The following SI variants were observed in gnomAD, a reference collection of about 807,000 sequenced individuals.
SI encodes sucrase-isomaltase.
A neutral mutation model predicts 253.3 loss-of-function variants in SI; 235 were observed. The ratio of observed to expected loss-of-function variants is 0.93; its 90% CI spans 0.83 to 1.03. The LOEUF is 1.03. Among genes scored for constraint, SI ranks in the 50% least tolerant of loss-of-function variants. The pLI is 0.00. For synonymous variants in SI, 819 were observed against 712.0 expected (o/e 1.15, Z -2.39); for missense variants, 2,442 against 2,211.1 (o/e 1.10, Z -2.09).
At chr3:164,987,030 A>G in intron 45 of SI, 108 bp downstream of exon 45, 1 of 878,082 alleles carries the variant, frequency 1.1e-6, no homozygotes, top group Non-Finnish European at 1.9e-6. Context: ...GCCTTGAATA[A>G]TATTAATAGC....
chr3:165,017,078 A>G (rs972599353), intron 31 of SI, among the ~76,000 whole-genome samples: 9 of 152,058 alleles, frequency 5.9e-5, no homozygotes, highest in Admixed American at 2.0e-4. Context: ...ATACTTTGGA[A>G]TACTTAGCTT....
the SI span, among the ~76,000 whole-genome samples, chr3:165,083,552 TAATC>T: frequency 1.3e-5 from 2 of 151,972 alleles, no homozygotes; most frequent in African/African-American, 2.4e-5. Flanking sequence ...GAAAAAGAAA[TAATC>T]TATCTTCCTT....
chr3:165,033,195 CTT>C (rs1712338680), intron 23 of SI, among the ~76,000 whole-genome samples, 198 bp downstream of exon 23: 1 of 151,374 alleles, frequency 6.6e-6, no homozygotes, highest in African/African-American at 2.4e-5. Context: ...TGGTCACAAA[CTT>C]TATAAAATTT....
intron 41 of SI, 57 bp from the exon 42 acceptor site, chr3:164,992,454 C>A (rs1337652672): frequency 9.0e-7 from 1 of 1,117,308 alleles, no homozygotes; most frequent in East Asian, 2.5e-5. Context: ...TTCTGAATAC[C>A]ATAAAATCAT....
chr3:165,004,106 ACTT>A (rs1718388015), intron 37 of SI, among the ~76,000 whole-genome samples: 1 of 152,130 alleles, frequency 6.6e-6, no homozygotes, highest in Non-Finnish European at 1.5e-5. Flanking sequence ...TATAGGAAAA[ACTT>A]CTAATAATCT....
intron 31 of SI, 45 bp from the exon 32 acceptor site, chr3:165,016,125 T>C (rs1034008295): frequency 2.6e-6 from 4 of 1,530,620 alleles, no homozygotes. Flanking sequence ...AAATACAAAA[T>C]AGTAAGTGTA....
chr3:165,032,066 T>C (rs1227984189), intron 24 of SI, among the ~76,000 whole-genome samples: 1 of 151,040 alleles, frequency 6.6e-6, no homozygotes, highest in African/African-American at 2.4e-5. Context: ...GTTAGAAAAG[T>C]ACAAGATATA....
intron 25 of SI, 101 bp from the exon 26 acceptor site, chr3:165,023,877 A>G (rs1456268718): frequency 4.9e-6 from 4 of 812,092 alleles, no homozygotes; most frequent in Non-Finnish European, 8.4e-6. Flanking sequence ...TATGATTTAC[A>G]AGTTTCATTA....
chr3:165,019,197 A>T (rs1719184966), intron 28 of SI, among the ~76,000 whole-genome samples: 2 of 151,912 alleles, frequency 1.3e-5, no homozygotes, highest in Non-Finnish European at 2.9e-5. Flanking sequence ...CTGCAACTGA[A>T]GGTTATAAAG....
At chr3:165,020,049 T>A (rs1431634302) in intron 27 of SI, among the ~76,000 whole-genome samples, 1 of 151,712 alleles carries the variant, frequency 6.6e-6, no homozygotes, top group Non-Finnish European at 1.5e-5. Context: ...GTATTCCTTT[T>A]AAAAATAAAA....
chr3:165,069,130 G>A lies in SI; in HGVS notation c.321C>T (p.Phe107=). 1 of 1,613,524 alleles carries A rather than the reference G, an allele frequency of 6.2e-7. No individual in the cohort carries two copies. Among genetic ancestry groups the A allele is most frequent in the Non-Finnish European group, 8.5e-7 (1 of 1,179,692 alleles). ...CGTTATAACCATGATTATCAACGAA[G>A]AAGCACCAAGGAATAAGAGAGTCAT... is the stretch of plus-strand genomic sequence containing the variant. The part of the protein sequence containing the change: ...PWNDSLIPWC[F]FVDNHGYNVQ... The change falls in exon 4 of 48, where the codon TTC becomes TTT. Residue 107 remains phenylalanine (F), a synonymous_variant. Transcript: ENST00000264382.
chr3:165,012,762 A>T (rs999627875), intron 34 of SI, among the ~76,000 whole-genome samples: 5 of 152,158 alleles, frequency 3.3e-5, no homozygotes, highest in Non-Finnish European at 7.3e-5. Flanking sequence ...GATTGCTTGG[A>T]TTAAATAAAG....
chr3:164,980,347 G>T (rs1004515340), intron 47 of SI, among the ~76,000 whole-genome samples: 4 of 151,818 alleles, frequency 2.6e-5, no homozygotes, highest in Non-Finnish European at 5.9e-5. Context: ...CTTAAAGGTA[G>T]AAAGCAAAAA....
intron 22 of SI, 113 bp downstream of exon 22, chr3:165,036,276 G>C: frequency 1.4e-6 from 1 of 723,682 alleles, no homozygotes; most frequent in Admixed American, 2.3e-5. Context: ...AAAAACATTA[G>C]GAATTAAAAA....
chr3:165,021,416 T>C, intron 26 of SI, 33 bp from the exon 27 acceptor site: 2 of 1,548,548 alleles, frequency 1.3e-6, no homozygotes, highest in Non-Finnish European at 1.8e-6. Context: ...AAGTTTATTC[T>C]GATTGCTGAC....
chr3:165,061,117 G>A (rs1050009278), intron 9 of SI, among the ~76,000 whole-genome samples: 1 of 151,618 alleles, frequency 6.6e-6, no homozygotes, highest in South Asian at 2.1e-4. Flanking sequence ...ACATGTGATT[G>A]AAATTTCTTC....
In SI at chr3:164,982,645, A is replaced by C. The variant is rs138429254; in HGVS notation, c.5248-235T>G. ...CTCCCTCTGCCACCCAGGCTCAGAA[A>C]GTTTGGATTCAGTCACCAAATATGC... On this transcript the variant is annotated intron_variant, in intron 46 of 47. Coordinates refer to ENST00000264382, the MANE Select transcript of SI (RefSeq NM_001041.4). Among the ~76,000 whole-genome samples the C allele has an allele frequency of 4.5e-4, 69 of 152,186 alleles. No individual in the cohort carries two copies. In the East Asian group the frequency reaches 0.012, roughly 27 times the overall value.
chr3:165,076,943 G>T lies in SI; in HGVS notation c.1-931C>A, dbSNP rs1458790742. Among the ~76,000 whole-genome samples the T allele has an allele frequency of 3.4e-5, 5 of 146,414 alleles. No individual in the cohort carries two copies. In the Admixed American group the frequency reaches 3.4e-4, roughly 10 times the overall value. Reference sequence around the variant, plus strand: ...AGAACTTAGAATTACTACAGTAAGTGCTTTAATAAATTATTGGGTTTAAAA... The same window carrying T: ...AGAACTTAGAATTACTACAGTAAGTTCTTTAATAAATTATTGGGTTTAAAA... On this transcript the variant is annotated intron_variant, in intron 1 of 47. Coordinates refer to ENST00000264382, the MANE Select transcript of SI (RefSeq NM_001041.4).
chr3:165,077,866 A>G (rs1167879087), intron 1 of SI, among the ~76,000 whole-genome samples: 3 of 151,652 alleles, frequency 2.0e-5, no homozygotes, highest in South Asian at 2.1e-4. Flanking sequence ...GCTTAAAATT[A>G]CTGTGATAAA....
Sources: allele counts gnomAD v4.1 joint callset (sites outside exome capture counted in the v4.1 genomes callset), GRCh38; gene constraint gnomAD v4.1.1; transcripts MANE v1.5; gene names NCBI Gene and HGNC (gene_info 2026-07-23, HGNC 2026-07-21).